The following DYNC2I1 variants were observed in gnomAD, a reference collection of about 807,000 sequenced individuals.
The protein encoded by DYNC2I1 is dynein 2 intermediate chain 1, also known as cytoplasmic dynein 2 intermediate chain 1.
Under a neutral mutation model 133.4 loss-of-function variants are expected in DYNC2I1, and 89 were observed. The ratio of observed to expected loss-of-function variants is 0.67; its 90% CI spans 0.56 to 0.80. The LOEUF (loss-of-function observed/expected upper bound fraction) is 0.80, where lower values mean the gene tolerates loss of function less well. Ranked by LOEUF, DYNC2I1 falls within the 30% of genes least tolerant of loss-of-function variation. The probability of loss-of-function intolerance (pLI) is 0.00; values close to 1 mark genes in which losing one functional copy is unlikely to be tolerated. For missense variants in DYNC2I1, 1,291 were observed against 1,314.5 expected (o/e 0.98, Z 0.28); for synonymous variants, 504 against 484.3 (o/e 1.04, Z -0.54).
At chr7:158,956,758 CGTAA>C (rs1028673025), downstream of DYNC2I1, 9 of 152,340 alleles carry the variant, frequency 5.9e-5, no homozygotes, top group African/African-American at 1.2e-4. Flanking sequence ...CAGCCTGTGG[CGTAA>C]GTGAGACGGT....
chr7:158,884,946 T>G (rs1844449330), intron 6 of DYNC2I1, among the ~76,000 whole-genome samples: 1 of 152,230 alleles, frequency 6.6e-6, no homozygotes, highest in Non-Finnish European at 1.5e-5. Context: ...TCATGCAAAA[T>G]TAGAAAATTG....
chr7:158,916,202 A>G (rs1312500415), intron 14 of DYNC2I1, among the ~76,000 whole-genome samples: 3 of 82,418 alleles, frequency 3.6e-5, no homozygotes, highest in Admixed American at 3.6e-4. Flanking sequence ...ATTAAGGATG[A>G]TTGTGAAACG....
In DYNC2I1 at chr7:158,942,189, G is replaced by A. The variant is rs566574052; in HGVS notation, c.3002+41G>A. 1.1e-4 allele frequency: 166 copies of A among 1,473,168 alleles called. 1 individual carries two copies. The highest frequency in any genetic ancestry group is 7.6e-4 in the Middle Eastern group (4 of 5,264). 91.3% of individuals were successfully genotyped at this position (1,473,168 alleles called of 1,614,324 possible). A position where few individuals can be genotyped will look rare whatever the true frequency, so the allele number is the denominator to read the frequency against. On this transcript the variant is annotated intron_variant, in intron 24 of 24. Transcript: ENST00000407559. ...CTGGACCAGCTGCTGGTTGTGGGGG[G>A]GCTTCGGCCACGGGTGCCACTTACG...
downstream of DYNC2I1, among the ~76,000 whole-genome samples, chr7:158,948,548 G>C (rs912400585): frequency 1.3e-5 from 2 of 149,468 alleles, no homozygotes; most frequent in Non-Finnish European, 2.9e-5. Flanking sequence ...CACAGTCATC[G>C]CCCCCGGGTG....
intron 10 of DYNC2I1, chr7:158,903,715 G>C (rs1402323776): frequency 6.6e-6 from 1 of 152,166 alleles, no homozygotes; most frequent in Non-Finnish European, 1.5e-5. Flanking sequence ...ACACAGGGAG[G>C]GTCTTTGTGC....
At chr7:158,890,073 T>G (rs1027632375) in intron 7 of DYNC2I1, among the ~76,000 whole-genome samples, 2 of 151,372 alleles carry the variant, frequency 1.3e-5, no homozygotes, top group African/African-American at 4.9e-5. Context: ...GTCTCGAACT[T>G]CTGGGCTCAA....
intron 16 of DYNC2I1, among the ~76,000 whole-genome samples, chr7:158,922,927 A>G (rs1045278977): frequency 1.3e-5 from 2 of 151,966 alleles, no homozygotes; most frequent in Non-Finnish European, 2.9e-5. Context: ...GGTTTCTTAG[A>G]CTGCGTGGAG....
At chr7:158,896,027 C>G (rs2129482942) in intron 8 of DYNC2I1, among the ~76,000 whole-genome samples, 1 of 151,834 alleles carries the variant, frequency 6.6e-6, no homozygotes, top group South Asian at 2.1e-4. Context: ...TTTTTTTGTT[C>G]AATTCTTTCA....
the DYNC2I1 span, among the ~76,000 whole-genome samples, chr7:158,845,331 C>A: frequency 6.6e-6 from 1 of 152,104 alleles, no homozygotes; most frequent in African/African-American, 2.4e-5. Flanking sequence ...AAATGCTTCT[C>A]AAGTTCACAT....
At chr7:158,879,085 T>A (rs748566129) in intron 4 of DYNC2I1, among the ~76,000 whole-genome samples, 14 of 152,078 alleles carry the variant, frequency 9.2e-5, no homozygotes, top group Non-Finnish European at 1.5e-4. Context: ...GAGGCATTGC[T>A]TTCTCTGTGG....
chr7:158,876,486 G>T (rs1316847856), intron 3 of DYNC2I1, 123 bp from the exon 4 acceptor site: 1 of 1,269,592 alleles, frequency 7.9e-7, no homozygotes, highest in Non-Finnish European at 1.0e-6. Context: ...TTTAGTTGAA[G>T]AATATTTTCA....
chr7:158,915,875 C>G (rs866316408), intron 14 of DYNC2I1, among the ~76,000 whole-genome samples: 24 of 125,942 alleles, frequency 1.9e-4, no homozygotes, highest in Non-Finnish European at 3.9e-4. Flanking sequence ...TGTGAAACGT[C>G]GACACGCTGG....
At chr7:158,918,206 C>T (rs1003717810) in intron 14 of DYNC2I1, among the ~76,000 whole-genome samples, 3 of 152,206 alleles carry the variant, frequency 2.0e-5, no homozygotes, top group Admixed American at 6.5e-5. Context: ...CCTGTTGCTT[C>T]TCATTCAACA....
intron 22 of DYNC2I1, 70 bp from the exon 23 acceptor site, chr7:158,934,348 G>A: frequency 1.9e-6 from 3 of 1,553,030 alleles, no homozygotes; most frequent in Non-Finnish European, 2.6e-6. Flanking sequence ...AATTGTTTGA[G>A]GAACAGTAGC....
chr7:158,941,780 AGGCAGG>A, intron 23 of DYNC2I1, 139 bp from the exon 24 acceptor site: 1 of 847,882 alleles, frequency 1.2e-6, no homozygotes. Flanking sequence ...CAGGAGGCCG[AGGCAGG>A]AGGATTGATT....
the DYNC2I1 span, among the ~76,000 whole-genome samples, chr7:158,846,608 A>G: frequency 2.6e-5 from 4 of 152,248 alleles, no homozygotes; most frequent in Non-Finnish European, 4.4e-5. Context: ...TACATAATAC[A>G]AAACTAAAGA....
chr7:158,875,578 GCT>G (rs1312610897), intron 3 of DYNC2I1, among the ~76,000 whole-genome samples: 1 of 152,150 alleles, frequency 6.6e-6, no homozygotes, highest in African/African-American at 2.4e-5. Context: ...TACCTGCCTG[GCT>G]CTGTTTGCCC....
At position 158,870,007 on chromosome 7, in the gene DYNC2I1, T is replaced by C. The variant is rs842696; in HGVS notation, c.69+99T>C. On this transcript the variant is annotated intron_variant, in intron 2 of 24. Transcript: ENST00000407559. ...ACACAACACTGTATAACTTTGGTTATGTGTGCCTCATTTCAGAAGTACTTT... is the reference window on the plus strand; with the variant it reads ...ACACAACACTGTATAACTTTGGTTACGTGTGCCTCATTTCAGAAGTACTTT... 386,626 of 1,014,496 alleles carry C rather than the reference T, an allele frequency of 0.38. 77,466 individuals are homozygous for C. The highest frequency in any genetic ancestry group is 0.67 in the East Asian group (27,422 of 40,638). The allele number at this position is 1,014,496 out of a possible 1,614,324, so 62.8% of individuals were successfully genotyped here.
At chr7:158,862,229 C>T (rs1841922994) in intron 1 of DYNC2I1, among the ~76,000 whole-genome samples, 1 of 152,162 alleles carries the variant, frequency 6.6e-6, no homozygotes, top group African/African-American at 2.4e-5. Context: ...ATCAGGGCCA[C>T]AGCCTGGGAA....
Sources: allele counts gnomAD v4.1 joint callset (sites outside exome capture counted in the v4.1 genomes callset), GRCh38; gene constraint gnomAD v4.1.1; transcripts MANE v1.5; gene names NCBI Gene and HGNC (gene_info 2026-07-23, HGNC 2026-07-21).